CFAP47: variants seen among roughly 807,000 people sequenced by gnomAD.
CFAP47 encodes the protein cilia- and flagella-associated protein 47.
A neutral mutation model predicts 148.1 loss-of-function variants in CFAP47; 29 were observed. That is an observed-to-expected ratio of 0.20 (90% CI 0.15 to 0.27). The LOEUF (loss-of-function observed/expected upper bound fraction) is 0.27, where lower values mean the gene tolerates loss of function less well. CFAP47 is among the 10% of genes least tolerant of loss of function. The pLI is 1.00. For missense variants in CFAP47, 1,872 were observed against 1,697.5 expected (o/e 1.10, Z -1.81); for synonymous variants, 664 against 577.3 (o/e 1.15, Z -2.15).
At chrX:36,342,734 A>G (rs781900167) in intron 57 of CFAP47, among the ~76,000 whole-genome samples, 17 of 112,177 alleles carry the variant, frequency 1.5e-4, no homozygotes, top group African/African-American at 5.5e-4. Flanking sequence ...AAAAATGAAA[A>G]CATACAAGTA....
chrX:36,202,771 G>A (rs1297999601), intron 44 of CFAP47, among the ~76,000 whole-genome samples: 2 of 109,012 alleles, frequency 1.8e-5, no homozygotes, highest in Non-Finnish European at 3.8e-5. Context: ...CAGCTACTTG[G>A]GAGGCCGAGA....
At chrX:36,137,668 G>A (rs1434009884) in intron 33 of CFAP47, among the ~76,000 whole-genome samples, 1 of 110,488 alleles carries the variant, frequency 9.1e-6, no homozygotes, top group Non-Finnish European at 1.9e-5. Context: ...AACAGAATGG[G>A]TAATTTTGAA....
intron 49 of CFAP47, among the ~76,000 whole-genome samples, chrX:36,272,754 A>G (rs1940973635): frequency 9.0e-6 from 1 of 111,531 alleles, no homozygotes; most frequent in South Asian, 3.7e-4. Flanking sequence ...CTTGAACTTG[A>G]TATAGCTTAT....
At chrX:35,929,996 C>CA (rs1935802272) in intron 2 of CFAP47, among the ~76,000 whole-genome samples, 1 of 109,071 alleles carries the variant, frequency 9.2e-6, no homozygotes, top group South Asian at 3.9e-4. Flanking sequence ...GAGACTGTCT[C>CA]AAAAAAACAA....
At chrX:36,054,182 G>A (rs916203082) in intron 26 of CFAP47, among the ~76,000 whole-genome samples, 12 of 112,048 alleles carry the variant, frequency 1.1e-4, no homozygotes, top group Non-Finnish European at 1.9e-4. Flanking sequence ...TCCTAGTACA[G>A]CCCTCTCCAT....
At chrX:36,143,763 C>T (rs1462882075) in intron 35 of CFAP47, among the ~76,000 whole-genome samples, 1 of 111,856 alleles carries the variant, frequency 8.9e-6, no homozygotes, top group African/African-American at 3.3e-5. Flanking sequence ...CTCAAATATA[C>T]TCCAGTAATC....
chrX:35,951,454 A>G lies in CFAP47; in HGVS notation c.885+95A>G, dbSNP rs772059271. 4.8e-6 allele frequency: 3 copies of G among 621,201 alleles called. No homozygotes were observed. In the South Asian group the frequency reaches 9.9e-5, roughly 20 times the overall value. 51.2% of individuals were successfully genotyped at this position (621,201 alleles called of 1,213,427 possible). On this transcript the variant is annotated intron_variant, in intron 5 of 63. Transcript: ENST00000378653. ...ACCAACAAGCTTTTTAATTATTCAA[A>G]ATATCTTTTAACATGGGCAGATAGA...
chrX:36,144,781 T>G, intron 35 of CFAP47: 1 of 1,026,674 alleles, frequency 9.7e-7, no homozygotes, highest in African/African-American at 1.9e-5. Flanking sequence ...AGGATGCATT[T>G]TTTTCTCCTT....
intron 25 of CFAP47, among the ~76,000 whole-genome samples, chrX:36,043,522 G>A (rs10127294): frequency 0.055 from 6,161 of 112,829 alleles, 455 homozygotes; most frequent in African/African-American, 0.19. Context: ...GGGGCCACAG[G>A]CCCCATGCAA....
chrX:36,085,243 G>T, intron 29 of CFAP47, 71 bp from the exon 30 acceptor site: 1 of 642,083 alleles, frequency 1.6e-6, no homozygotes, highest in Non-Finnish European at 2.5e-6. Flanking sequence ...TCATTGAATT[G>T]AACATGTTTT....
intron 55 of CFAP47, among the ~76,000 whole-genome samples, chrX:36,307,155 A>T (rs1941357333): frequency 1.8e-5 from 2 of 111,650 alleles, no homozygotes; most frequent in Admixed American, 1.9e-4. Context: ...ACTGGCATTT[A>T]TGTTAATTTT....
At position 36,073,124 on chromosome X, in the gene CFAP47, T is replaced by C. The variant is rs752214046; in HGVS notation, c.4466-15T>C. On this transcript the variant is annotated splice_polypyrimidine_tract_variant and intron_variant, in intron 28 of 63. Transcript: ENST00000378653. Reference sequence around the variant, plus strand: ...GTCAAGTAGCCCTTTTTTAACAAACTAATTTTAATTTTAGGAGTGGAAGTA... The same window carrying C: ...GTCAAGTAGCCCTTTTTTAACAAACCAATTTTAATTTTAGGAGTGGAAGTA... 8.7e-7 allele frequency: 1 copy of C among 1,155,386 alleles called. No homozygotes were observed. Among genetic ancestry groups the C allele is most frequent in the Non-Finnish European group, 1.2e-6 (1 of 848,429 alleles).
chrX:35,942,715 T>A (rs1410664661), intron 3 of CFAP47, among the ~76,000 whole-genome samples: 1 of 111,818 alleles, frequency 8.9e-6, no homozygotes, highest in Admixed American at 9.6e-5. Flanking sequence ...AATTTTACAG[T>A]TTCATTTCAT....
At chrX:35,986,797 G>A (rs1285088540) in intron 15 of CFAP47, among the ~76,000 whole-genome samples, 1 of 111,159 alleles carries the variant, frequency 9.0e-6, no homozygotes, top group East Asian at 2.9e-4. Context: ...GTTTTTGTGT[G>A]GACGTCCTTT....
At chrX:36,024,733 C>T (rs1225163984) in intron 22 of CFAP47, among the ~76,000 whole-genome samples, 2 of 111,143 alleles carry the variant, frequency 1.8e-5, no homozygotes, top group African/African-American at 6.5e-5. Flanking sequence ...AGGGCAGTAC[C>T]GTACTGCCAC....
Position 35,971,895 on chromosome X carries a change from A to G in CFAP47, c.2184A>G (p.Pro728=). The G allele has an allele frequency of 8.3e-7, 1 of 1,201,670 alleles. No homozygotes were observed. The highest frequency in any genetic ancestry group is 1.1e-6 in the Non-Finnish European group (1 of 888,211). ...RKVLKGLKSE[P]STPQEKHDCS... ...TTCTCAAAGGACTTAAATCAGAACC[A>G]TCCACTCCACAAGAAAAACATGATT... The change falls in exon 13 of 64, where the codon CCA becomes CCG. Residue 728 remains proline (P), a synonymous_variant. Coordinates refer to ENST00000378653, the MANE Select transcript of CFAP47 (RefSeq NM_001304548.2).
chrX:35,991,398 A>G (rs887413448), intron 16 of CFAP47, among the ~76,000 whole-genome samples: 2 of 110,444 alleles, frequency 1.8e-5, no homozygotes, highest in African/African-American at 6.6e-5. Flanking sequence ...ATTATTTATG[A>G]TTACCACCAG....
At chrX:36,371,887 C>CACACATGTGTATATGTGTGTGTAT in intron 62 of CFAP47, among the ~76,000 whole-genome samples, 1 of 49,477 alleles carries the variant, frequency 2.0e-5, no homozygotes, top group African/African-American at 3.2e-4. Flanking sequence ...TATATGTGTG[C>CACACATGTGTATATGTGTGTGTAT]ATATACACAC....
chrX:36,054,179 A>G (rs1302004080), intron 26 of CFAP47, among the ~76,000 whole-genome samples: 1 of 112,179 alleles, frequency 8.9e-6, no homozygotes, highest in Non-Finnish European at 1.9e-5. Flanking sequence ...ACCTCCTAGT[A>G]CAGCCCTCTC....
Sources: gnomAD v4.1 joint callset for allele counts (sites outside exome capture counted in the v4.1 genomes callset) on GRCh38, gnomAD v4.1.1 for gene constraint, MANE v1.5 for transcripts, NCBI Gene and HGNC (gene_info 2026-07-23, HGNC 2026-07-21) for gene names.